Variants in PTPRN2 observed in about 807,000 individuals in gnomAD.
PTPRN2 encodes receptor-type tyrosine-protein phosphatase N2.
PTPRN2 carries 74 observed loss-of-function variants against 118.8 expected under a neutral mutation model. The observed-to-expected ratio is 0.62, with a 90% CI of 0.52 to 0.76. The LOEUF (loss-of-function observed/expected upper bound fraction) is 0.76, where lower values mean the gene tolerates loss of function less well. Ranked by LOEUF, PTPRN2 falls within the 30% of genes least tolerant of loss-of-function variation. The pLI, the probability that PTPRN2 is intolerant of heterozygous loss-of-function variation, is 0.00. For missense variants in PTPRN2, 1,481 were observed against 1,394.4 expected (o/e 1.06, Z -0.99); for synonymous variants, 641 against 608.0 (o/e 1.05, Z -0.80).
chr7:158,252,017 C>A (rs1239224068), intron 3 of PTPRN2, among the ~76,000 whole-genome samples: 1 of 152,198 alleles, frequency 6.6e-6, no homozygotes, highest in African/African-American at 2.4e-5. Flanking sequence ...AAAGCCCCTT[C>A]TTGGCTCTGG....
At chr7:157,879,870 A>G (rs1796017267) in intron 12 of PTPRN2, among the ~76,000 whole-genome samples, 1 of 151,064 alleles carries the variant, frequency 6.6e-6, no homozygotes, top group East Asian at 1.9e-4. Flanking sequence ...GAGCTTCAAT[A>G]GCCCCTTGAT....
chr7:158,316,222 G>A lies in PTPRN2; in HGVS notation c.277+597C>T, dbSNP rs372350543. On this transcript the variant is annotated intron_variant, in intron 3 of 22. Coordinates refer to ENST00000389418, the MANE Select transcript of PTPRN2 (RefSeq NM_002847.5). The stretch of plus-strand genomic sequence containing the variant: ...TCCCTTCCCTACGCACAGTGCTCCT[G>A]CCAGAACTACCCTCCGTGGAGTCAG... Among the ~76,000 whole-genome samples, 7 of 152,234 alleles carry A rather than the reference G, an allele frequency of 4.6e-5. 1 individual carries two copies. In the South Asian group the frequency reaches 1.5e-3, roughly 32 times the overall value.
chr7:158,054,652 G>A (rs1047923741), intron 11 of PTPRN2, among the ~76,000 whole-genome samples: 3 of 152,180 alleles, frequency 2.0e-5, no homozygotes, highest in African/African-American at 7.2e-5. Context: ...AGTAATGGGG[G>A]TGCATGCACC....
chr7:158,009,704 T>C (rs1805903386), intron 11 of PTPRN2, among the ~76,000 whole-genome samples: 1 of 152,212 alleles, frequency 6.6e-6, no homozygotes, highest in African/African-American at 2.4e-5. Context: ...ACCTCCTTCC[T>C]GCCTGGGCAC....
chr7:158,390,351 G>T (rs573915979), intron 2 of PTPRN2, among the ~76,000 whole-genome samples: 3 of 152,324 alleles, frequency 2.0e-5, no homozygotes, highest in African/African-American at 4.8e-5. Flanking sequence ...GCACTAAGTC[G>T]CAGCCGAACC....
intron 12 of PTPRN2, among the ~76,000 whole-genome samples, chr7:157,883,773 C>T (rs73746693): frequency 0.026 from 3,720 of 145,206 alleles, no homozygotes; most frequent in African/African-American, 0.094. Context: ...GAGATCGGAA[C>T]GCACCACCCA....
At chr7:158,266,880 T>C (rs1797919761) in intron 3 of PTPRN2, among the ~76,000 whole-genome samples, 1 of 152,234 alleles carries the variant, frequency 6.6e-6, no homozygotes, top group South Asian at 2.1e-4. Flanking sequence ...CCAGTGGCCC[T>C]GGCTGGTGGT....
chr7:158,510,790 G>T (rs188589479), intron 1 of PTPRN2, among the ~76,000 whole-genome samples: 1 of 152,170 alleles, frequency 6.6e-6, no homozygotes, highest in African/African-American at 2.4e-5. Context: ...CCGACAGGTC[G>T]GATGTGAATG....
chr7:158,556,921 A>C (rs1204006063), intron 1 of PTPRN2, among the ~76,000 whole-genome samples: 2 of 144,344 alleles, frequency 1.4e-5, no homozygotes, highest in Non-Finnish European at 3.0e-5. Context: ...GCTCCCACGC[A>C]GGTCAGGCGG....
Position 157,845,819 on chromosome 7 carries a change from AG to A in PTPRN2, c.1788+52853del, listed in dbSNP as rs1253656333. Among the ~76,000 whole-genome samples the A allele has an allele frequency of 6.6e-6, 1 of 152,156 alleles. No individual in the cohort carries two copies. Among genetic ancestry groups the A allele is most frequent in the Non-Finnish European group, 1.5e-5 (1 of 68,030 alleles). On this transcript the variant is annotated intron_variant, in intron 12 of 22. Transcript: ENST00000389418. The surrounding 1 kb of genome is among the most constrained non-coding windows in gnomAD (Gnocchi z 4.5). ...GGACAAGCAACGTGGGGCCATGGGG[AG>A]GGACGGAAGACAGAAGTGGATCCCG...
At chr7:157,901,878 AGGCGGGGCCTTCCCG>A (rs1160957256) in intron 11 of PTPRN2, among the ~76,000 whole-genome samples, 36 of 125,716 alleles carry the variant, frequency 2.9e-4, no homozygotes, top group African/African-American at 1.1e-3. Context: ...CTGGGTCCTG[AGGCGGGGCCTTCCCG>A]TCCGTGTTTC....
At chr7:157,551,535 A>C (rs1798601731) in intron 21 of PTPRN2, among the ~76,000 whole-genome samples, 1 of 123,222 alleles carries the variant, frequency 8.1e-6, no homozygotes, top group Admixed American at 8.4e-5. Context: ...CACACCCCAC[A>C]CACCCCACAG....
chr7:157,857,980 G>T, intron 12 of PTPRN2: 1 of 155,130 alleles, frequency 6.4e-6, no homozygotes, highest in Non-Finnish European at 1.4e-5. Flanking sequence ...CCTTGTGAGG[G>T]AAGGGAGCCC....
At chr7:157,888,059 G>C (rs1478886127) in intron 12 of PTPRN2, among the ~76,000 whole-genome samples, 2 of 151,304 alleles carry the variant, frequency 1.3e-5, no homozygotes, top group South Asian at 2.1e-4. Flanking sequence ...CGCTGTCTTG[G>C]GGGGTGTGAG....
intron 12 of PTPRN2, among the ~76,000 whole-genome samples, chr7:157,867,369 G>A (rs1290387324): frequency 7.8e-6 from 1 of 127,524 alleles, no homozygotes; most frequent in Admixed American, 7.8e-5. Context: ...CGCCCCTGAC[G>A]CCCTGGATAC....
At chr7:158,059,909 C>T (rs1212527564) in intron 11 of PTPRN2, among the ~76,000 whole-genome samples, 2 of 98,904 alleles carry the variant, frequency 2.0e-5, no homozygotes, top group Non-Finnish European at 3.9e-5. Context: ...CATCTGCACA[C>T]GGTGAGACAT....
At chr7:158,352,394 A>T (rs1586429591) in intron 2 of PTPRN2, among the ~76,000 whole-genome samples, 1 of 151,812 alleles carries the variant, frequency 6.6e-6, no homozygotes, top group Non-Finnish European at 1.5e-5. Flanking sequence ...GCTACTCTGG[A>T]GCAAACTTAC....
intron 1 of PTPRN2, among the ~76,000 whole-genome samples, chr7:158,552,104 A>G (rs1462278898): frequency 1.1e-5 from 1 of 93,524 alleles, no homozygotes; most frequent in Non-Finnish European, 2.1e-5. Context: ...GAGCTCTAAC[A>G]CATGCATTTG....
rs780646516 is a variant in PTPRN2, at chr7:157,604,037, G to C, written c.2383C>G (p.His795Asp). The C allele has an allele frequency of 1.2e-6, 2 of 1,613,888 alleles. No homozygotes were observed. The highest frequency in any genetic ancestry group is 1.7e-6 in the Non-Finnish European group (2 of 1,180,028). The change falls in exon 16 of 23, where the codon CAC (histidine) becomes GAC (aspartate). Residue 795 changes from histidine (H) to aspartate (D), a missense_variant. His to Asp is a moderately conservative substitution (Grantham distance 81). Transcript: ENST00000389418. Reference sequence around the variant, plus strand: ...GCGTTGATGTAGTCTGAGTGGCTGTGGCTGTTCTCCGCCTTCAGCAGGACC... The same window carrying C: ...GCGTTGATGTAGTCTGAGTGGCTGTCGCTGTTCTCCGCCTTCAGCAGGACC... ...SRVLLKAENSHSHSDYINASP... is the reference protein window; with the variant it reads ...SRVLLKAENSDSHSDYINASP...
Sources: allele counts gnomAD v4.1 joint callset (sites outside exome capture counted in the v4.1 genomes callset), GRCh38; gene constraint gnomAD v4.1.1; non-coding constraint Gnocchi (gnomAD v3.1); transcripts MANE v1.5; gene names NCBI Gene and HGNC (gene_info 2026-07-23, HGNC 2026-07-21).